Variants in ENTREP2 observed in about 807,000 individuals in gnomAD.
ENTREP2 encodes the protein endosomal transmembrane epsin interactor 2.
the ENTREP2 span, chr15:29,569,822 T>G: frequency 6.6e-6 from 1 of 152,556 alleles, no homozygotes; most frequent in Non-Finnish European, 1.5e-5. Flanking sequence ...GGTCTGGAGC[T>G]CAGAAAGCAC....
chr15:29,311,694 C>G, the ENTREP2 span, among the ~76,000 whole-genome samples: 16 of 151,220 alleles, frequency 1.1e-4, no homozygotes, highest in East Asian at 7.8e-4. Flanking sequence ...CATCCCCCCC[C>G]CAAAAAAAAG....
the ENTREP2 span, among the ~76,000 whole-genome samples, chr15:29,432,504 T>C: frequency 5.9e-5 from 9 of 152,320 alleles, no homozygotes; most frequent in Admixed American, 4.6e-4. Flanking sequence ...ATTTGCACCA[T>C]GTTTGATCAT....
the ENTREP2 span, among the ~76,000 whole-genome samples, chr15:29,218,993 A>G: frequency 1.3e-5 from 2 of 152,210 alleles, no homozygotes; most frequent in African/African-American, 2.4e-5. Flanking sequence ...TTGCATGGCC[A>G]AAGGAACAGT....
chr15:29,380,842 T>A, the ENTREP2 span, among the ~76,000 whole-genome samples: 4 of 147,034 alleles, frequency 2.7e-5, no homozygotes, highest in Non-Finnish European at 5.9e-5. Context: ...AATGCATGCA[T>A]CCACACTTTT....
chr15:29,292,251 C>A, the ENTREP2 span, among the ~76,000 whole-genome samples: 5 of 152,144 alleles, frequency 3.3e-5, no homozygotes, highest in Non-Finnish European at 5.9e-5. Context: ...TATGAATCTT[C>A]ATCCATCTTT....
At chr15:29,135,884 C>T in the ENTREP2 span, among the ~76,000 whole-genome samples, 1 of 152,186 alleles carries the variant, frequency 6.6e-6, no homozygotes, top group Non-Finnish European at 1.5e-5. The surrounding 1 kb of genome is among the most constrained non-coding windows in gnomAD (Gnocchi z 7.4). Context: ...AGTGTGTGAT[C>T]AAGACAGGCC....
the ENTREP2 span, among the ~76,000 whole-genome samples, chr15:29,347,466 G>A: frequency 4.6e-5 from 7 of 151,682 alleles, no homozygotes; most frequent in African/African-American, 1.7e-4. Context: ...CCACCACGCT[G>A]AGCCTATGGC....
chr15:29,650,347 C>T, the ENTREP2 span, among the ~76,000 whole-genome samples: 1 of 152,146 alleles, frequency 6.6e-6, no homozygotes, highest in African/African-American at 2.4e-5. Flanking sequence ...GATCCCAACA[C>T]TTTGGGAGGC....
At chr15:29,568,710 C>CAAAAAAAAAAAAAAAA in the ENTREP2 span, among the ~76,000 whole-genome samples, 1 of 128,190 alleles carries the variant, frequency 7.8e-6, no homozygotes, top group Non-Finnish European at 1.6e-5. Flanking sequence ...CCTCTTAAGG[C>CAAAAAAAAAAAAAAAA]AAAAAAAAAA....
the ENTREP2 span, among the ~76,000 whole-genome samples, chr15:29,454,815 G>A: frequency 6.6e-6 from 1 of 152,202 alleles, no homozygotes; most frequent in Non-Finnish European, 1.5e-5. Flanking sequence ...GCTGTGCCAA[G>A]ATTCCTGGCC....
At chr15:29,237,500 A>G in the ENTREP2 span, among the ~76,000 whole-genome samples, 2 of 152,182 alleles carry the variant, frequency 1.3e-5, no homozygotes, top group African/African-American at 4.8e-5. Flanking sequence ...GTTTTTATAA[A>G]AGGGATGAGG....
the ENTREP2 span, among the ~76,000 whole-genome samples, chr15:29,143,057 T>C: frequency 6.6e-6 from 1 of 152,204 alleles, no homozygotes; most frequent in Non-Finnish European, 1.5e-5. Context: ...GCATGCATTA[T>C]GCTAGTTCCA....
At chr15:29,447,653 ATT>A in the ENTREP2 span, among the ~76,000 whole-genome samples, 3 of 141,196 alleles carry the variant, frequency 2.1e-5, no homozygotes, top group Non-Finnish European at 3.1e-5. Flanking sequence ...GACCTGGCTG[ATT>A]TTTTTTTTTT....
the ENTREP2 span, among the ~76,000 whole-genome samples, chr15:29,663,857 T>C: frequency 3.3e-5 from 5 of 151,878 alleles, no homozygotes; most frequent in Admixed American, 2.6e-4. Context: ...AAACTTAAAG[T>C]ATAATTAAAA....
chr15:29,326,763 A>G, the ENTREP2 span, among the ~76,000 whole-genome samples: 1 of 152,156 alleles, frequency 6.6e-6, no homozygotes, highest in African/African-American at 2.4e-5. Context: ...AAAATGCTAA[A>G]GGAGAAGAAA....
At chr15:29,624,325 G>A in the ENTREP2 span, among the ~76,000 whole-genome samples, 6 of 150,734 alleles carry the variant, frequency 4.0e-5, no homozygotes, top group African/African-American at 1.5e-4. Context: ...GCGCACACAT[G>A]CACGTGCGCA....
chr15:29,313,444 A>G, the ENTREP2 span, among the ~76,000 whole-genome samples: 1 of 152,226 alleles, frequency 6.6e-6, no homozygotes, highest in Admixed American at 6.5e-5. Flanking sequence ...GTTGAAGCCA[A>G]TACTCAACCA....
At chr15:29,161,943 C>G in the ENTREP2 span, among the ~76,000 whole-genome samples, 2 of 151,960 alleles carry the variant, frequency 1.3e-5, no homozygotes, top group Non-Finnish European at 2.9e-5. Context: ...CTGAAGGAAG[C>G]AGACTGCTCT....
chr15:29,393,577 T>C, the ENTREP2 span, among the ~76,000 whole-genome samples: 2 of 152,164 alleles, frequency 1.3e-5, no homozygotes, highest in Non-Finnish European at 2.9e-5. Context: ...CTGCAATGCA[T>C]CAAGGAGCAT....
Sources: gnomAD v4.1 joint callset for allele counts (sites outside exome capture counted in the v4.1 genomes callset) on GRCh38, gnomAD v4.1.1 for gene constraint, Gnocchi (gnomAD v3.1) non-coding constraint, MANE v1.5 for transcripts, NCBI Gene and HGNC (gene_info 2026-07-23, HGNC 2026-07-21) for gene names.